Variants in NLGN1 observed in about 807,000 individuals in gnomAD.
The protein encoded by NLGN1 is neuroligin-1.
A neutral mutation model predicts 65.5 loss-of-function variants in NLGN1; 12 were observed. The observed-to-expected ratio is 0.18, with a 90% CI of 0.12 to 0.30. NLGN1 has a LOEUF of 0.30. Among genes scored for constraint, NLGN1 ranks in the 10% least tolerant of loss-of-function variants. The probability of loss-of-function intolerance (pLI) is 1.00; values close to 1 mark genes in which losing one functional copy is unlikely to be tolerated. For missense variants in NLGN1, 750 were observed against 1,007.1 expected (o/e 0.74, Z 3.46); for synonymous variants, 350 against 359.5 (o/e 0.97, Z 0.30).
intron 4 of NLGN1, among the ~76,000 whole-genome samples, chr3:174,134,917 A>G (rs1310011763): frequency 6.6e-6 from 1 of 152,172 alleles, no homozygotes; most frequent in Non-Finnish European, 1.5e-5. Flanking sequence ...GTGCCTTTCT[A>G]CTGTATTCCT....
At chr3:174,126,412 G>A (rs1718958160) in intron 4 of NLGN1, among the ~76,000 whole-genome samples, 1 of 152,102 alleles carries the variant, frequency 6.6e-6, no homozygotes, top group Non-Finnish European at 1.5e-5. Flanking sequence ...AGTGTCTAGA[G>A]GAGTGACAGG....
At chr3:173,767,721 G>A (rs970112278) in intron 3 of NLGN1, among the ~76,000 whole-genome samples, 2 of 151,900 alleles carry the variant, frequency 1.3e-5, no homozygotes, top group African/African-American at 4.8e-5. Context: ...TCAATTTGAA[G>A]AAATCTTAGT....
chr3:173,930,376 A>T (rs911453286), intron 4 of NLGN1, among the ~76,000 whole-genome samples: 1 of 152,194 alleles, frequency 6.6e-6, no homozygotes, highest in Admixed American at 6.5e-5. Context: ...AGCAACATCA[A>T]TTTGTATGGC....
chr3:173,848,429 T>C (rs1726250899), intron 4 of NLGN1, among the ~76,000 whole-genome samples: 1 of 152,228 alleles, frequency 6.6e-6, no homozygotes, highest in Non-Finnish European at 1.5e-5. Context: ...TCCACTCATT[T>C]CAAACTGGTC....
chr3:173,903,662 C>T (rs944148143), intron 4 of NLGN1, among the ~76,000 whole-genome samples: 5 of 152,042 alleles, frequency 3.3e-5, no homozygotes, highest in Non-Finnish European at 7.4e-5. Flanking sequence ...GCTCAAGGTA[C>T]AGAATATAGA....
chr3:173,529,734 A>G (rs1317923605), intron 2 of NLGN1, among the ~76,000 whole-genome samples: 1 of 152,088 alleles, frequency 6.6e-6, no homozygotes, highest in Non-Finnish European at 1.5e-5. Context: ...CCCAATAAAG[A>G]CGGCTTTGTG....
chr3:173,446,390 T>C (rs1032264669), intron 2 of NLGN1, among the ~76,000 whole-genome samples: 1 of 152,190 alleles, frequency 6.6e-6, no homozygotes, highest in Non-Finnish European at 1.5e-5. Context: ...ACAAAGGACA[T>C]GAACTCATCA....
At chr3:173,590,069 A>T (rs1283780441) in intron 2 of NLGN1, among the ~76,000 whole-genome samples, 1 of 152,152 alleles carries the variant, frequency 6.6e-6, no homozygotes, top group African/African-American at 2.4e-5. Flanking sequence ...ACTGACCAGA[A>T]AAAGTGATTA....
At chr3:173,861,197 A>G (rs879942658) in intron 4 of NLGN1, among the ~76,000 whole-genome samples, 25 of 152,204 alleles carry the variant, frequency 1.6e-4, no homozygotes, top group African/African-American at 5.5e-4. Flanking sequence ...AATAATAATT[A>G]TAAAGCTAAC....
chr3:174,230,040 G>A (rs1740408267), intron 4 of NLGN1, among the ~76,000 whole-genome samples: 1 of 152,136 alleles, frequency 6.6e-6, no homozygotes, highest in Non-Finnish European at 1.5e-5. Context: ...GTCTTCAGAT[G>A]CATTTTTAAA....
chr3:173,670,245 A>T (rs564620865), intron 3 of NLGN1, among the ~76,000 whole-genome samples: 79 of 152,294 alleles, frequency 5.2e-4, no homozygotes, highest in Non-Finnish European at 1.0e-3. Flanking sequence ...AGGATAGAGC[A>T]TTGGACTATG....
At chr3:174,275,618 A>G in intron 5 of NLGN1, 91 bp downstream of exon 5, 1 of 762,882 alleles carries the variant, frequency 1.3e-6, no homozygotes, top group Non-Finnish European at 2.2e-6. Flanking sequence ...TTCTCTGTTC[A>G]AACTGAGTGT....
chr3:173,595,716 G>A (rs368576314), intron 2 of NLGN1, among the ~76,000 whole-genome samples: 2 of 152,124 alleles, frequency 1.3e-5, no homozygotes, highest in African/African-American at 4.8e-5. Flanking sequence ...GATTTAACTG[G>A]ACTTACAGTT....
intron 4 of NLGN1, among the ~76,000 whole-genome samples, chr3:174,026,630 G>A (rs1365618799): frequency 3.3e-5 from 5 of 152,128 alleles, no homozygotes; most frequent in African/African-American, 9.7e-5. Flanking sequence ...AGAGTATGAG[G>A]TGGGGGAGAA....
chr3:173,886,988 T>C (rs569923276), intron 4 of NLGN1, among the ~76,000 whole-genome samples: 4 of 152,236 alleles, frequency 2.6e-5, no homozygotes, highest in Non-Finnish European at 4.4e-5. Context: ...AAAATATCTC[T>C]ACACTTCTTT....
chr3:173,635,983 G>A (rs1042102395), intron 3 of NLGN1, among the ~76,000 whole-genome samples: 2 of 152,138 alleles, frequency 1.3e-5, no homozygotes, highest in African/African-American at 4.8e-5. Flanking sequence ...CAGCAGAAGA[G>A]ACTGTAGTAT....
At chr3:173,732,565 C>T (rs1325081850) in intron 3 of NLGN1, among the ~76,000 whole-genome samples, 1 of 152,012 alleles carries the variant, frequency 6.6e-6, no homozygotes, top group Non-Finnish European at 1.5e-5. Context: ...AGATAACCAG[C>T]TGTATATTTC....
rs756157881 is a variant in NLGN1, at chr3:173,675,887, T to TCTCTCACACACACA, written c.493+70797_493+70798insTCTCACACACACAC. 9.1e-3 allele frequency among the ~76,000 whole-genome samples: 1,261 copies of TCTCTCACACACACA among 138,610 alleles called. 19 individuals are homozygous for TCTCTCACACACACA. The highest frequency in any genetic ancestry group is 0.023 in the Middle Eastern group (6 of 258). The allele number at this position is 138,610 out of a possible 152,430, so 90.9% of individuals were successfully genotyped here. ...CTCTTTGTCTCTCTCTCTCTCTCTC[T>TCTCTCACACACACA]CACACACACACACACACACACACAC... On this transcript the variant is annotated intron_variant, in intron 3 of 6. Coordinates refer to ENST00000457714, the Ensembl canonical transcript of NLGN1.
chr3:173,544,264 G>GTGTA (rs1423808966), intron 2 of NLGN1, among the ~76,000 whole-genome samples: 12 of 143,728 alleles, frequency 8.3e-5, no homozygotes, highest in African/African-American at 2.3e-4. Flanking sequence ...TATTACGTGT[G>GTGTA]TGTGTGTGTG....
Sources: allele counts gnomAD v4.1 joint callset (sites outside exome capture counted in the v4.1 genomes callset), GRCh38; gene constraint gnomAD v4.1.1; transcripts MANE v1.5; gene names NCBI Gene and HGNC (gene_info 2026-07-23, HGNC 2026-07-21).